The following ETV6 variants were observed in gnomAD, a reference collection of about 807,000 sequenced individuals.
ETV6 encodes the protein ETS variant transcription factor 6.
ETV6 carries 16 observed loss-of-function variants against 51.1 expected under a neutral mutation model. The ratio of observed to expected loss-of-function variants is 0.31; its 90% CI spans 0.21 to 0.48. The LOEUF (loss-of-function observed/expected upper bound fraction) is 0.48, where lower values mean the gene tolerates loss of function less well. Among genes scored for constraint, ETV6 ranks in the 20% least tolerant of loss-of-function variants. The pLI is 0.99. For missense variants in ETV6, 458 were observed against 594.8 expected (o/e 0.77, Z 2.39); for synonymous variants, 240 against 224.1 (o/e 1.07, Z -0.64).
At chr12:11,763,068 G>C (rs1945113383) in intron 2 of ETV6, among the ~76,000 whole-genome samples, 1 of 152,162 alleles carries the variant, frequency 6.6e-6, no homozygotes, top group Admixed American at 6.5e-5. Flanking sequence ...GGGTTGGAAG[G>C]TTCATCTCTG....
intron 3 of ETV6, 52 bp downstream of exon 3, chr12:11,839,356 G>C (rs751626833): frequency 6.4e-7 from 1 of 1,565,528 alleles, no homozygotes; most frequent in South Asian, 1.2e-5. Context: ...CTCTTAGTTA[G>C]TGGTTGGTCT....
At chr12:11,832,779 T>C (rs946565391) in intron 2 of ETV6, among the ~76,000 whole-genome samples, 5 of 152,184 alleles carry the variant, frequency 3.3e-5, no homozygotes, top group South Asian at 2.1e-4. Flanking sequence ...GCTTGGAAAA[T>C]GTCCAAAAAC....
rs1272878201 is a variant in ETV6 at position 11,845,415 on chromosome 12, TTTTG to T, written c.328+6115_328+6118del. ...AAAGTTCTGTTTTCTCGAGAGCTTA[TTTTG>T]TTTATCTCACCTTATAGTCCATATC... On this transcript the variant is annotated intron_variant, in intron 3 of 7. Coordinates refer to ENST00000396373, the MANE Select transcript of ETV6 (RefSeq NM_001987.5). Among the ~76,000 whole-genome samples the T allele has an allele frequency of 2.0e-5, 3 of 152,256 alleles. No individual in the cohort carries two copies. The East Asian group carries it at 5.8e-4, about 29-fold the overall frequency.
At chr12:11,756,467 T>G (rs1176887055) in intron 2 of ETV6, among the ~76,000 whole-genome samples, 5 of 151,994 alleles carry the variant, frequency 3.3e-5, no homozygotes, top group African/African-American at 1.2e-4. Flanking sequence ...ACAATTACAG[T>G]AGACAGGTGG....
Position 11,891,135 on chromosome 12 carries a change from G to A in ETV6, c.*89G>A. 2 of 1,055,772 alleles carry A rather than the reference G, an allele frequency of 1.9e-6. No individual in the cohort carries two copies. Among genetic ancestry groups the A allele is most frequent in the Non-Finnish European group, 2.9e-6 (2 of 700,158 alleles). 65.4% of individuals were successfully genotyped at this position (1,055,772 alleles called of 1,614,324 possible). Reference sequence around the variant, plus strand: ...GGAAGTGTGACGGAGCAGGCGGGCTGAGGAGAGTGGAAAAGGAAGCGACCC... The same window carrying A: ...GGAAGTGTGACGGAGCAGGCGGGCTAAGGAGAGTGGAAAAGGAAGCGACCC... On this transcript the variant is annotated 3_prime_UTR_variant, in exon 8 of 8. Transcript: ENST00000396373.
At chr12:11,876,545 C>CT (rs1391665316) in intron 5 of ETV6, among the ~76,000 whole-genome samples, 1 of 152,212 alleles carries the variant, frequency 6.6e-6, no homozygotes, top group African/African-American at 2.4e-5. Context: ...TCCTGTCTGC[C>CT]TGTCTCTTCC....
At position 11,750,792 on chromosome 12, in the gene ETV6, C is replaced by CTT. The variant is rs6144613; in HGVS notation, c.34-1634_34-1633dup. 94 of 370,010 alleles carry CTT rather than the reference C, an allele frequency of 2.5e-4. 1 individual carries two copies. Among genetic ancestry groups the CTT allele is most frequent in the African/African-American group, 2.0e-3 (58 of 29,732 alleles). 22.9% of individuals were successfully genotyped at this position (370,010 alleles called of 1,614,324 possible). ...ATTTTATGTTTCCTATATGTGTGGG[C>CTT]TTTTTTTTTTTTTTTTTTTTTTTTT... On this transcript the variant is annotated intron_variant, in intron 1 of 7. Coordinates refer to ENST00000396373, the MANE Select transcript of ETV6 (RefSeq NM_001987.5).
chr12:11,665,565 A>G (rs1401365881), intron 1 of ETV6, among the ~76,000 whole-genome samples: 2 of 152,238 alleles, frequency 1.3e-5, no homozygotes, highest in African/African-American at 4.8e-5. Flanking sequence ...GGCACAGAGG[A>G]CAGCCAATGG....
intron 5 of ETV6, among the ~76,000 whole-genome samples, chr12:11,874,356 AAC>A (rs1353681555): frequency 7.7e-6 from 1 of 129,344 alleles, no homozygotes; most frequent in Non-Finnish European, 1.6e-5. Flanking sequence ...CAGCCTGGGC[AAC>A]AGAGTGATAC....
chr12:11,702,255 C>G (rs1275469237), intron 1 of ETV6, among the ~76,000 whole-genome samples: 1 of 152,164 alleles, frequency 6.6e-6, no homozygotes, highest in African/African-American at 2.4e-5. Flanking sequence ...GGCCTGTTGA[C>G]AGCAGAGTTT....
chr12:11,723,382 CCTT>C (rs1865429373), intron 1 of ETV6, among the ~76,000 whole-genome samples: 1 of 152,170 alleles, frequency 6.6e-6, no homozygotes, highest in Non-Finnish European at 1.5e-5. Context: ...CACTCTCCCT[CCTT>C]TCCCATGTCC....
chr12:11,772,319 A>C (rs1009158014), intron 2 of ETV6, among the ~76,000 whole-genome samples: 1 of 152,248 alleles, frequency 6.6e-6, no homozygotes, highest in African/African-American at 2.4e-5. Flanking sequence ...TTGAATTCAG[A>C]AGAACAGTGA....
chr12:11,667,463 G>A lies in ETV6; in HGVS notation c.33+17303G>A, dbSNP rs187505966. ...TCACAATCTAATCTGGAGACTATCC[G>A]CCATTTAGTTCCATGGCGGATTATG... On this transcript the variant is annotated intron_variant, in intron 1 of 7. Coordinates refer to ENST00000396373, the MANE Select transcript of ETV6 (RefSeq NM_001987.5). Among the ~76,000 whole-genome samples, 32 of 152,074 alleles carry A rather than the reference G, an allele frequency of 2.1e-4. No individual in the cohort carries two copies. The East Asian group carries it at 5.6e-3, about 27-fold the overall frequency.
intron 1 of ETV6, among the ~76,000 whole-genome samples, chr12:11,727,415 C>G (rs903640705): frequency 2.9e-4 from 44 of 152,202 alleles, no homozygotes; most frequent in African/African-American, 1.0e-3. Flanking sequence ...TGCCTGGGAG[C>G]TTTCTGTTCT....
chr12:11,779,970 A>G (rs775236101), intron 2 of ETV6, among the ~76,000 whole-genome samples: 5 of 152,220 alleles, frequency 3.3e-5, no homozygotes, highest in Non-Finnish European at 7.3e-5. Context: ...CAAATAGATG[A>G]CATGACTTTT....
chr12:11,752,268 G>A (rs1040292009), intron 1 of ETV6, among the ~76,000 whole-genome samples, 182 bp from the exon 2 acceptor site: 4 of 152,128 alleles, frequency 2.6e-5, no homozygotes, highest in African/African-American at 9.7e-5. Flanking sequence ...CCAAGGCTAG[G>A]CATCTGAAAG....
At chr12:11,889,416 G>T (rs1223486541) in intron 7 of ETV6, among the ~76,000 whole-genome samples, 1 of 152,214 alleles carries the variant, frequency 6.6e-6, no homozygotes, top group Non-Finnish European at 1.5e-5. Context: ...CAAAATGAAG[G>T]TTTCTTGGTA....
At chr12:11,863,963 C>T (rs563221037) in intron 4 of ETV6, among the ~76,000 whole-genome samples, 1 of 152,232 alleles carries the variant, frequency 6.6e-6, no homozygotes, top group African/African-American at 2.4e-5. Context: ...CAGTTCTCTA[C>T]TGTTAATGTT....
chr12:11,894,730 T>C lies in ETV6; in HGVS notation c.*3684T>C. 1 of 233,164 alleles carries C rather than the reference T, an allele frequency of 4.3e-6. No homozygotes were observed. Among genetic ancestry groups the C allele is most frequent in the Non-Finnish European group, 8.5e-6 (1 of 117,986 alleles). 14.4% of individuals were successfully genotyped at this position (233,164 alleles called of 1,614,324 possible). On this transcript the variant is annotated 3_prime_UTR_variant, in exon 8 of 8. Coordinates refer to ENST00000396373, the MANE Select transcript of ETV6 (RefSeq NM_001987.5). ...TACATTTTTGAAATAGGAACTCCCT[T>C]TTGCAAAAAAGAAACCTGGGTGTCA...
Sources: gnomAD v4.1 joint callset for allele counts (sites outside exome capture counted in the v4.1 genomes callset) on GRCh38, gnomAD v4.1.1 for gene constraint, MANE v1.5 for transcripts, NCBI Gene and HGNC (gene_info 2026-07-23, HGNC 2026-07-21) for gene names.